The following PPM1H variants were observed in gnomAD, a reference collection of about 807,000 sequenced individuals.
PPM1H encodes protein phosphatase, Mg2+/Mn2+ dependent 1H.
In PPM1H, 27 loss-of-function variants were observed where a neutral mutation model predicts 54.9. That is an observed-to-expected ratio of 0.49 (90% CI 0.36 to 0.68). PPM1H has a LOEUF of 0.68. PPM1H is among the 30% of genes least tolerant of loss of function. The pLI is 0.00. For synonymous variants in PPM1H, 305 were observed against 270.8 expected (o/e 1.13, Z -1.24); for missense variants, 596 against 667.8 (o/e 0.89, Z 1.19).
chr12:62,911,642 G>T (rs775135540), intron 1 of PPM1H, among the ~76,000 whole-genome samples: 1 of 152,214 alleles, frequency 6.6e-6, no homozygotes. Context: ...TGGGTTGGCT[G>T]ATTCCTGCTA....
rs980109632 is a variant in PPM1H at position 62,828,228 on chromosome 12, G to T, written c.411+3886C>A. On this transcript the variant is annotated intron_variant, in intron 2 of 9. Coordinates refer to ENST00000228705, the MANE Select transcript of PPM1H (RefSeq NM_020700.2). Reference sequence around the variant, plus strand: ...TGTCCTCTGCTAGTAAATTATAGAAGTGGAAGCCAAAGTCTTGACAGTGAC... The same window carrying T: ...TGTCCTCTGCTAGTAAATTATAGAATTGGAAGCCAAAGTCTTGACAGTGAC... Among the ~76,000 whole-genome samples, 4 of 152,266 alleles carry T rather than the reference G, an allele frequency of 2.6e-5. No homozygotes were observed. In the East Asian group the frequency reaches 7.7e-4, roughly 29 times the overall value.
chr12:62,695,423 G>A (rs2076109021), intron 6 of PPM1H, among the ~76,000 whole-genome samples: 1 of 152,166 alleles, frequency 6.6e-6, no homozygotes, highest in South Asian at 2.1e-4. Context: ...AATGTGGAGA[G>A]CTTAGGAGGT....
At chr12:62,896,030 T>G (rs1646066460) in intron 1 of PPM1H, among the ~76,000 whole-genome samples, 2 of 152,286 alleles carry the variant, frequency 1.3e-5, no homozygotes, top group South Asian at 4.2e-4. Context: ...AGAGAATCAG[T>G]AGCCTAGGGA....
At chr12:62,790,675 T>G (rs976210758) in intron 3 of PPM1H, among the ~76,000 whole-genome samples, 1 of 152,022 alleles carries the variant, frequency 6.6e-6, no homozygotes, top group African/African-American at 2.4e-5. Context: ...GGTAAGAGAT[T>G]GCGGGAGGGG....
At chr12:62,852,285 A>T (rs1392091349) in intron 1 of PPM1H, among the ~76,000 whole-genome samples, 1 of 150,616 alleles carries the variant, frequency 6.6e-6, no homozygotes, top group Non-Finnish European at 1.5e-5. Flanking sequence ...TTGGGTCATG[A>T]AGGTGGAGCC....
chr12:62,754,463 A>T (rs759745930), intron 4 of PPM1H, among the ~76,000 whole-genome samples: 2 of 152,184 alleles, frequency 1.3e-5, no homozygotes, highest in Non-Finnish European at 2.9e-5. Flanking sequence ...ATTACTCAGG[A>T]GGCTGAGGTG....
intron 4 of PPM1H, among the ~76,000 whole-genome samples, chr12:62,758,439 T>C (rs909077837): frequency 6.6e-6 from 1 of 152,196 alleles, no homozygotes; most frequent in African/African-American, 2.4e-5. Flanking sequence ...TGTTTATTTG[T>C]AGTTAAAATT....
At chr12:62,672,016 C>A (rs550119720) in intron 8 of PPM1H, among the ~76,000 whole-genome samples, 33 of 152,312 alleles carry the variant, frequency 2.2e-4, no homozygotes, top group Non-Finnish European at 4.3e-4. Flanking sequence ...ACTGTAAACA[C>A]CATGAGGGTT....
intron 1 of PPM1H, among the ~76,000 whole-genome samples, chr12:62,881,403 G>A (rs1248788720): frequency 2.0e-5 from 3 of 151,802 alleles, no homozygotes; most frequent in African/African-American, 7.3e-5. Flanking sequence ...AGAGAGGAGA[G>A]AGAGATAAAA....
intron 1 of PPM1H, among the ~76,000 whole-genome samples, chr12:62,864,591 T>A (rs1331118660): frequency 6.6e-6 from 1 of 152,366 alleles, no homozygotes; most frequent in East Asian, 1.9e-4. Flanking sequence ...TATGAAAACT[T>A]TTTTAATATT....
chr12:62,844,248 A>AG lies in PPM1H; in HGVS notation c.246-11970dup, dbSNP rs1231904574. Among the ~76,000 whole-genome samples, 3 of 152,206 alleles carry AG rather than the reference A, an allele frequency of 2.0e-5. No homozygotes were observed. The highest frequency in any genetic ancestry group is 7.2e-5 in the African/African-American group (3 of 41,460). On this transcript the variant is annotated intron_variant, in intron 1 of 9. Coordinates refer to ENST00000228705, the MANE Select transcript of PPM1H (RefSeq NM_020700.2). This position sits in a 1 kb window ranked among gnomAD's most constrained non-coding sequence, Gnocchi z 5.2. ...TTATATAGGCAGAAACAGTTTTAGC[A>AG]GGGTTCAGCACTTTCTGTACAAAGC... is the stretch of plus-strand genomic sequence containing the variant.
intron 9 of PPM1H, among the ~76,000 whole-genome samples, chr12:62,663,720 A>G (rs2075899405): frequency 6.6e-6 from 1 of 152,158 alleles, no homozygotes. Flanking sequence ...TGCCGGGCGC[A>G]GTGGCTCATG....
chr12:62,768,392 A>G (rs950886498), intron 4 of PPM1H, among the ~76,000 whole-genome samples: 2 of 152,214 alleles, frequency 1.3e-5, no homozygotes, highest in African/African-American at 4.8e-5. Context: ...AGGGGAAGAC[A>G]TGCCTGTAAT....
chr12:62,675,253 AT>A (rs2075979392), intron 8 of PPM1H, among the ~76,000 whole-genome samples: 2 of 152,362 alleles, frequency 1.3e-5, no homozygotes, highest in Admixed American at 1.3e-4. Flanking sequence ...ACCAGCTAAA[AT>A]ATGAGGTATT....
intron 1 of PPM1H, among the ~76,000 whole-genome samples, chr12:62,854,777 ATGTT>A (rs1033215872): frequency 6.6e-6 from 1 of 152,168 alleles, no homozygotes; most frequent in Non-Finnish European, 1.5e-5. Context: ...AAATAGGTAA[ATGTT>A]TGTCACTCTC....
At chr12:62,930,022 AG>A (rs1872084645) in intron 1 of PPM1H, among the ~76,000 whole-genome samples, 2 of 152,314 alleles carry the variant, frequency 1.3e-5, no homozygotes, top group Middle Eastern at 3.4e-3. Context: ...GAAGGGAAAA[AG>A]AAAGGCCAGG....
intron 9 of PPM1H, among the ~76,000 whole-genome samples, chr12:62,663,609 A>G (rs953120895): frequency 1.3e-5 from 2 of 152,184 alleles, no homozygotes; most frequent in Non-Finnish European, 2.9e-5. Context: ...CTCCATAAAA[A>G]CACCATTGGT....
At chr12:62,653,314 T>A (rs577363390) in intron 9 of PPM1H, among the ~76,000 whole-genome samples, 1 of 152,356 alleles carries the variant, frequency 6.6e-6, no homozygotes, top group African/African-American at 2.4e-5. Context: ...TTTGTAGATA[T>A]TCTCCATAAA....
At chr12:62,742,263 C>T (rs7308302) in intron 4 of PPM1H, among the ~76,000 whole-genome samples, 16,726 of 152,110 alleles carry the variant, frequency 0.11, 950 homozygotes, top group East Asian at 0.22. Context: ...TTTTCACTTC[C>T]GTTTGAACTA....
Sources: gnomAD v4.1 joint callset for allele counts (sites outside exome capture counted in the v4.1 genomes callset) on GRCh38, gnomAD v4.1.1 for gene constraint, Gnocchi (gnomAD v3.1) non-coding constraint, MANE v1.5 for transcripts, NCBI Gene and HGNC (gene_info 2026-07-23, HGNC 2026-07-21) for gene names.